Variants in SPARCL1 observed in about 807,000 individuals in gnomAD.
SPARCL1 encodes SPARC like 1.
In SPARCL1, 52 loss-of-function variants were observed where a neutral mutation model predicts 67.1. That is an observed-to-expected ratio of 0.78 (90% confidence interval 0.62 to 0.98). The LOEUF is 0.98. SPARCL1 is among the 50% of genes least tolerant of loss of function. The probability of loss-of-function intolerance (pLI) is 0.00; values close to 1 mark genes in which losing one functional copy is unlikely to be tolerated. For synonymous variants in SPARCL1, 226 were observed against 267.8 expected (o/e 0.84, Z 1.52); for missense variants, 717 against 782.4 (o/e 0.92, Z 1.00).
At chr4:87,517,127 G>C (rs1578115818) in intron 1 of SPARCL1, among the ~76,000 whole-genome samples, 1 of 152,190 alleles carries the variant, frequency 6.6e-6, no homozygotes, top group East Asian at 1.9e-4. Flanking sequence ...CAGAGAAAGA[G>C]AACACAGGAT....
chr4:87,480,581 TGC>T, intron 8 of SPARCL1, 61 bp from the exon 9 acceptor site: 1 of 1,457,358 alleles, frequency 6.9e-7, no homozygotes, highest in Non-Finnish European at 9.1e-7. Flanking sequence ...ACTTGTCACT[TGC>T]TATAAACTTT....
chr4:87,484,546 G>A (rs553208083), intron 7 of SPARCL1, among the ~76,000 whole-genome samples: 2 of 152,268 alleles, frequency 1.3e-5, no homozygotes, highest in East Asian at 3.9e-4. Context: ...TTTTTGCTTA[G>A]GATTGTCTTG....
intron 1 of SPARCL1, among the ~76,000 whole-genome samples, chr4:87,524,214 A>G (rs1352223028): frequency 1.3e-5 from 2 of 152,024 alleles, no homozygotes; most frequent in East Asian, 3.8e-4. Context: ...GTCTTTATAA[A>G]TGTAAAAAGT....
chr4:87,483,330 T>C (rs1372053222), intron 7 of SPARCL1, among the ~76,000 whole-genome samples: 1 of 152,214 alleles, frequency 6.6e-6, no homozygotes, highest in Non-Finnish European at 1.5e-5. Context: ...AGTGAGAACA[T>C]GCAGTGTTTG....
At chr4:87,515,295 T>C in intron 1 of SPARCL1, among the ~76,000 whole-genome samples, 1 of 152,214 alleles carries the variant, frequency 6.6e-6, no homozygotes. Flanking sequence ...ACAGGAAAGG[T>C]AATATTACAT....
At chr4:87,506,782 C>CT (rs1553970566) in intron 1 of SPARCL1, among the ~76,000 whole-genome samples, 6 of 93,744 alleles carry the variant, frequency 6.4e-5, no homozygotes, top group Non-Finnish European at 1.3e-4. Flanking sequence ...ATCTATCTAT[C>CT]ATCTATCTAT....
intron 1 of SPARCL1, among the ~76,000 whole-genome samples, chr4:87,520,011 G>A (rs868109909): frequency 8.5e-5 from 13 of 152,080 alleles, no homozygotes; most frequent in African/African-American, 2.4e-4. Context: ...AGGCCGAGGT[G>A]GGTGGATCAC....
At chr4:87,497,949 T>C (rs750157534) in intron 2 of SPARCL1, among the ~76,000 whole-genome samples, 5 of 152,098 alleles carry the variant, frequency 3.3e-5, no homozygotes, top group African/African-American at 7.2e-5. Context: ...TGTAGAGACG[T>C]GGCCTCACTA....
At chr4:87,492,366 C>T (rs1413225994) in intron 4 of SPARCL1, among the ~76,000 whole-genome samples, 4 of 149,470 alleles carry the variant, frequency 2.7e-5, no homozygotes, top group Admixed American at 1.4e-4. Context: ...TGCAGTGAGC[C>T]GAGATTGCGC....
chr4:87,523,531 T>C (rs1725911349), intron 1 of SPARCL1, among the ~76,000 whole-genome samples: 1 of 152,220 alleles, frequency 6.6e-6, no homozygotes, highest in Non-Finnish European at 1.5e-5. Context: ...TGAGGACTAA[T>C]GCCTGGGGAT....
At chr4:87,489,304 C>T (rs1385799276) in intron 7 of SPARCL1, among the ~76,000 whole-genome samples, 5 of 152,258 alleles carry the variant, frequency 3.3e-5, no homozygotes, top group South Asian at 2.1e-4. Flanking sequence ...CACTGTCTTT[C>T]GCAGCACAGT....
At chr4:87,491,941 CCCA>C (rs140085495) in intron 4 of SPARCL1, among the ~76,000 whole-genome samples, 82 of 7,702 alleles carry the variant, frequency 0.011, 3 homozygotes, top group East Asian at 0.092. Flanking sequence ...TCCATCTCTA[CCCA>C]CCCCCCCCCC....
rs906873799 is a variant in SPARCL1, at chr4:87,497,279, C to A, written c.55-2152G>T. 5.3e-6 allele frequency: 5 copies of A among 945,196 alleles called. No homozygotes were observed. In the Admixed American group the frequency reaches 2.5e-4, roughly 47 times the overall value. 58.6% of individuals were successfully genotyped at this position (945,196 alleles called of 1,614,324 possible). A position where few individuals can be genotyped will look rare whatever the true frequency, so the allele number is the denominator to read the frequency against. On this transcript the variant is annotated intron_variant, in intron 2 of 10. Transcript: ENST00000282470. Reference sequence around the variant, plus strand: ...GAATTTGAAAAAGTTTATAAAGAAGCCTTAAAGAAGGGGGAAAAGGAGAAA... The same window carrying A: ...GAATTTGAAAAAGTTTATAAAGAAGACTTAAAGAAGGGGGAAAAGGAGAAA...
chr4:87,483,575 G>A (rs1723921649), intron 7 of SPARCL1, among the ~76,000 whole-genome samples: 2 of 152,210 alleles, frequency 1.3e-5, no homozygotes, highest in South Asian at 4.1e-4. Context: ...ATAGTAGAAT[G>A]ATTTGTAACC....
intron 10 of SPARCL1, among the ~76,000 whole-genome samples, chr4:87,478,563 G>A (rs1427656574): frequency 1.3e-5 from 2 of 151,292 alleles, no homozygotes; most frequent in African/African-American, 2.4e-5. Context: ...TCAGCCTCCC[G>A]AGTAGCTGGG....
intron 1 of SPARCL1, among the ~76,000 whole-genome samples, chr4:87,522,692 C>CAA (rs1725875049): frequency 6.6e-6 from 1 of 151,022 alleles, no homozygotes; most frequent in Non-Finnish European, 1.5e-5. Flanking sequence ...CGCACACACA[C>CAA]AGAGTTAACC....
intron 1 of SPARCL1, among the ~76,000 whole-genome samples, chr4:87,505,413 C>T (rs7688283): frequency 0.45 from 68,397 of 151,864 alleles, 16,085 homozygotes; most frequent in East Asian, 0.75. Context: ...TTCTATCCTC[C>T]TAGTGAATGC....
At chr4:87,528,990 G>A (rs1301438395) in intron 1 of SPARCL1, 55 bp downstream of exon 1, 2 of 152,026 alleles carry the variant, frequency 1.3e-5, no homozygotes, top group Admixed American at 6.6e-5. Flanking sequence ...ATCAGATCAC[G>A]CAAATCAGCT....
chr4:87,516,296 G>A (rs1725580348), intron 1 of SPARCL1, among the ~76,000 whole-genome samples: 1 of 152,154 alleles, frequency 6.6e-6, no homozygotes, highest in African/African-American at 2.4e-5. Context: ...ACCAGATCTC[G>A]AGACATTATG....
Sources: allele counts gnomAD v4.1 joint callset (sites outside exome capture counted in the v4.1 genomes callset), GRCh38; gene constraint gnomAD v4.1.1; transcripts MANE v1.5; gene names NCBI Gene and HGNC (gene_info 2026-07-23, HGNC 2026-07-21).